Variants in DPF3 observed in about 807,000 individuals in gnomAD.
DPF3 encodes double PHD fingers 3.
Under a neutral mutation model 56.8 loss-of-function variants are expected in DPF3, and 18 were observed. The ratio of observed to expected loss-of-function variants is 0.32; its 90% CI spans 0.22 to 0.47. The LOEUF (loss-of-function observed/expected upper bound fraction) is 0.47, where lower values mean the gene tolerates loss of function less well. DPF3 is among the 20% of genes least tolerant of loss of function. The pLI is 1.00. For synonymous variants in DPF3, 188 were observed against 180.2 expected (o/e 1.04, Z -0.35); for missense variants, 403 against 488.8 (o/e 0.82, Z 1.65).
At chr14:72,788,746 C>T in intron 1 of DPF3, among the ~76,000 whole-genome samples, 1 of 152,206 alleles carries the variant, frequency 6.6e-6, no homozygotes, top group Middle Eastern at 3.4e-3. Context: ...GGAAGGGTCA[C>T]AACAACTTTT....
chr14:72,619,028 G>A lies in DPF3; in HGVS notation c.*269C>T, dbSNP rs1376475675. 6.6e-6 allele frequency among the ~76,000 whole-genome samples: 1 copy of A among 152,216 alleles called. No individual in the cohort carries two copies. Among genetic ancestry groups the A allele is most frequent in the Admixed American group, 6.5e-5 (1 of 15,286 alleles). On this transcript the variant is annotated 3_prime_UTR_variant, in exon 11 of 11. Coordinates refer to ENST00000556509, the MANE Select transcript of DPF3 (RefSeq NM_001280542.3). ...TCGGTGCTAGGGTAAAAGTGAGAGG[G>A]GTTCCACAGGGCTGGGGCCGGAGGT...
At chr14:72,854,852 C>G (rs547619372) in intron 1 of DPF3, among the ~76,000 whole-genome samples, 2 of 152,290 alleles carry the variant, frequency 1.3e-5, no homozygotes, top group South Asian at 4.1e-4. Flanking sequence ...CTTAAAGTCA[C>G]CAGAGGGAGC....
intron 8 of DPF3, among the ~76,000 whole-genome samples, chr14:72,649,188 G>GA (rs1417293970): frequency 6.6e-6 from 1 of 151,990 alleles, no homozygotes; most frequent in East Asian, 1.9e-4. Context: ...TGGTGGTTGG[G>GA]AACCCGAAGA....
rs187631402 is a variant in DPF3, at chr14:72,618,416, T to C, written c.*881A>G. Among the ~76,000 whole-genome samples, 33 of 152,330 alleles carry C rather than the reference T, an allele frequency of 2.2e-4. No homozygotes were observed. Among genetic ancestry groups the C allele is most frequent in the East Asian group, 1.7e-3 (9 of 5,186 alleles). ...GTTCTTCAGTCCCACCAGGAGAAGC[T>C]GAACCAGGTCTCCAGAACCAGGTGG... On this transcript the variant is annotated 3_prime_UTR_variant, in exon 11 of 11. Coordinates refer to ENST00000556509, the MANE Select transcript of DPF3 (RefSeq NM_001280542.3).
At chr14:72,863,110 A>G (rs199888394) in intron 1 of DPF3, among the ~76,000 whole-genome samples, 1 of 137,620 alleles carries the variant, frequency 7.3e-6, no homozygotes, top group African/African-American at 2.9e-5. Flanking sequence ...ATGTGTGTGT[A>G]TACATATATG....
intron 1 of DPF3, among the ~76,000 whole-genome samples, chr14:72,865,979 G>A (rs1335853203): frequency 3.3e-5 from 5 of 152,100 alleles, no homozygotes; most frequent in Non-Finnish European, 7.3e-5. Context: ...CCCAGAAGGC[G>A]GAGGATGCAG....
At chr14:72,671,368 T>C (rs1474833189) in intron 8 of DPF3, 1 of 1,612,206 alleles carries the variant, frequency 6.2e-7, no homozygotes, top group South Asian at 1.1e-5. Context: ...TATCAGCACA[T>C]GGGTTAAGCA....
intron 7 of DPF3, among the ~76,000 whole-genome samples, chr14:72,688,213 G>A (rs932372080): frequency 1.5e-5 from 2 of 135,290 alleles, no homozygotes; most frequent in South Asian, 5.3e-4. Context: ...TGGGTGTGTG[G>A]GTGGATGGAT....
intron 1 of DPF3, among the ~76,000 whole-genome samples, chr14:72,872,043 T>A (rs1048711277): frequency 6.6e-6 from 1 of 152,206 alleles, no homozygotes; most frequent in East Asian, 1.9e-4. Context: ...CAGTTCTAGA[T>A]ACCTGTGCAC....
chr14:72,693,488 T>C (rs964896206), intron 6 of DPF3, among the ~76,000 whole-genome samples: 8 of 152,186 alleles, frequency 5.3e-5, no homozygotes, highest in Non-Finnish European at 7.3e-5. Flanking sequence ...CCAGGGCAAG[T>C]CACTTGACCT....
chr14:72,659,645 C>T (rs1366773143), intron 8 of DPF3, among the ~76,000 whole-genome samples: 2 of 152,196 alleles, frequency 1.3e-5, no homozygotes, highest in Non-Finnish European at 2.9e-5. Flanking sequence ...GAATCAAGGT[C>T]CTCTTTTCTA....
intron 1 of DPF3, among the ~76,000 whole-genome samples, chr14:72,815,752 A>C (rs1329473185): frequency 6.6e-6 from 1 of 152,234 alleles, no homozygotes; most frequent in Non-Finnish European, 1.5e-5. Context: ...ACTGTCTTAC[A>C]GTTCTGGAGG....
intron 1 of DPF3, among the ~76,000 whole-genome samples, chr14:72,863,781 C>T (rs1038995671): frequency 6.6e-6 from 1 of 152,098 alleles, no homozygotes; most frequent in Admixed American, 6.6e-5. Flanking sequence ...TAGACACAGC[C>T]CACCAGAAGT....
chr14:72,893,571 C>T (rs954209156), intron 1 of DPF3, among the ~76,000 whole-genome samples: 1 of 152,018 alleles, frequency 6.6e-6, no homozygotes, highest in African/African-American at 2.4e-5. Context: ...GGTCCGTCCG[C>T]TGGACCCAGC....
chr14:72,762,338 A>G (rs1377400601), intron 2 of DPF3, among the ~76,000 whole-genome samples: 2 of 151,930 alleles, frequency 1.3e-5, no homozygotes, highest in Non-Finnish European at 2.9e-5. Context: ...ATAAAATAGC[A>G]TAACAAAGTG....
chr14:72,624,917 T>C (rs773813736), intron 9 of DPF3, among the ~76,000 whole-genome samples: 6 of 152,228 alleles, frequency 3.9e-5, no homozygotes, highest in African/African-American at 7.2e-5. Context: ...TCGGGGGAAA[T>C]TGAGGCCAGT....
chr14:72,656,275 G>A (rs996580569), intron 8 of DPF3, among the ~76,000 whole-genome samples: 2 of 152,202 alleles, frequency 1.3e-5, no homozygotes, highest in African/African-American at 4.8e-5. Flanking sequence ...AAATAGAGCT[G>A]AAGCATTGCT....
intron 3 of DPF3, among the ~76,000 whole-genome samples, chr14:72,736,353 C>A (rs1387739855): frequency 6.6e-6 from 1 of 152,188 alleles, no homozygotes; most frequent in Non-Finnish European, 1.5e-5. Flanking sequence ...CAGGTGGCTA[C>A]CAGCTACCAT....
At chr14:72,848,041 A>C (rs1884828792) in intron 1 of DPF3, among the ~76,000 whole-genome samples, 1 of 152,228 alleles carries the variant, frequency 6.6e-6, no homozygotes, top group Non-Finnish European at 1.5e-5. Context: ...TACAAAATAG[A>C]CTAAAACCTG....
Sources: allele counts gnomAD v4.1 joint callset (sites outside exome capture counted in the v4.1 genomes callset), GRCh38; gene constraint gnomAD v4.1.1; transcripts MANE v1.5; gene names NCBI Gene and HGNC (gene_info 2026-07-23, HGNC 2026-07-21).